ZMYND15: variants seen among roughly 807,000 people sequenced by gnomAD.
ZMYND15 encodes the protein zinc finger MYND-type containing 15.
ZMYND15 carries 54 observed loss-of-function variants against 81.7 expected under a neutral mutation model. The ratio of observed to expected loss-of-function variants is 0.66; its 90% CI spans 0.53 to 0.83. ZMYND15 has a LOEUF of 0.83. Among genes scored for constraint, ZMYND15 ranks in the 40% least tolerant of loss-of-function variants. The pLI is 0.00. For synonymous variants in ZMYND15, 399 were observed against 387.0 expected, an observed-to-expected ratio of 1.03 and a Z score of -0.36; for missense variants, 925 against 973.5, an observed-to-expected ratio of 0.95 and a Z score of 0.66.
chr17:4,740,713 C>T lies in ZMYND15; in HGVS notation c.165C>T (p.Ala55=). The change falls in exon 2 of 14, where the codon GCC becomes GCT. Residue 55 remains alanine (A), a synonymous_variant. Transcript: ENST00000433935. ...TCAGAAGGCTACCCCAGGACCCTGC[C>T]CTTTGGGTGCTCCATGTCCTGCCCA... The part of the protein sequence containing the change: ...AQIRRLPQDP[A]LWVLHVLPNH... 1 of 1,613,060 alleles carries T rather than the reference C, an allele frequency of 6.2e-7. No homozygotes were observed. Among genetic ancestry groups the T allele is most frequent in the Non-Finnish European group, 8.5e-7 (1 of 1,179,406 alleles).
rs779950879 is a variant in ZMYND15 at position 4,744,608 on chromosome 17, C to T, written c.1684-17C>T. The T allele has an allele frequency of 1.2e-6, 2 of 1,606,526 alleles. No individual in the cohort carries two copies. Among genetic ancestry groups the T allele is most frequent in the Non-Finnish European group, 1.7e-6 (2 of 1,176,758 alleles). ...GACTTCCAGTGGCTTTTCCACCCCACTCCTGGGGCCCCTCAGGACAGCCTG... is the reference window on the plus strand; with the variant it reads ...GACTTCCAGTGGCTTTTCCACCCCATTCCTGGGGCCCCTCAGGACAGCCTG... On this transcript the variant is annotated splice_polypyrimidine_tract_variant and intron_variant, in intron 10 of 13. Coordinates refer to ENST00000433935, the MANE Select transcript of ZMYND15 (RefSeq NM_001136046.3). The surrounding 1 kb of genome is among the most constrained non-coding windows in gnomAD (Gnocchi z 4.1).
Position 4,745,114 on chromosome 17 carries a change from C to G in ZMYND15, c.1897-101C>G, listed in dbSNP as rs988717756. 8.1e-5 allele frequency: 129 copies of G among 1,592,962 alleles called. No individual in the cohort carries two copies. In the Middle Eastern group the frequency reaches 1.4e-3, roughly 17 times the overall value. ...CGTCCTCCCCCTGCTCCCCTCCGCC[C>G]GGTCTGTCCGGGGACCTCGGCTTTC... On this transcript the variant is annotated intron_variant, in intron 12 of 13. Coordinates refer to ENST00000433935, the MANE Select transcript of ZMYND15 (RefSeq NM_001136046.3). This position sits in a 1 kb window ranked among gnomAD's most constrained non-coding sequence, Gnocchi z 5.2.
rs1209960507 is a variant in ZMYND15, at chr17:4,741,114, C to T, written c.566C>T (p.Pro189Leu). The T allele has an allele frequency of 8.0e-6, 12 of 1,505,326 alleles. No individual in the cohort carries two copies. Among genetic ancestry groups the T allele is most frequent in the Non-Finnish European group, 1.1e-5 (12 of 1,121,322 alleles). 93.2% of individuals were successfully genotyped at this position (1,505,326 alleles called of 1,614,324 possible). Residue 189 changes from proline (P) to leucine (L), a missense_variant, in exon 2 of 14, where the codon CCC (proline) becomes CTC (leucine). Transcript: ENST00000433935. ...GACAGGGTGGAGAACGAAACAAGAC[C>T]CCAGAAGAGGAAGGGACAGAGGAGT... ...REDRVENETR[P>L]QKRKGQRSEA...
At position 4,745,972 on chromosome 17, in the gene ZMYND15, G is replaced by T; in HGVS notation, c.2211G>T (p.Gly737=). The part of the protein sequence containing the change: ...RRRGEKKPGR[G]ARRRK ...GAGGAGAAAAGAAACCTGGGCGGGG[G>T]GCCCGCCGGCGGAAATGAATGCTGA... Residue 737 remains glycine (G), a synonymous_variant, in exon 14 of 14, where the codon GGG becomes GGT. Coordinates refer to ENST00000433935, the MANE Select transcript of ZMYND15 (RefSeq NM_001136046.3). The surrounding 1 kb of genome is among the most constrained non-coding windows in gnomAD (Gnocchi z 5.2). 5 of 1,444,706 alleles carry T rather than the reference G, an allele frequency of 3.5e-6. No individual in the cohort carries two copies. Among genetic ancestry groups the T allele is most frequent in the Non-Finnish European group, 4.5e-6 (5 of 1,103,440 alleles). The allele number at this position is 1,444,706 out of a possible 1,614,324, so 89.5% of individuals were successfully genotyped here.
chr17:4,745,279 C>A lies in ZMYND15; in HGVS notation c.1961C>A (p.Thr654Asn), dbSNP rs1916612696. 6.2e-7 allele frequency: 1 copy of A among 1,614,002 alleles called. No individual in the cohort carries two copies. Among genetic ancestry groups the A allele is most frequent in the Non-Finnish European group, 8.5e-7 (1 of 1,179,964 alleles). The stretch of plus-strand genomic sequence containing the variant: ...TACAGCTGTGTGATGGACGGCCAGA[C>A]CATGGCGGTGGCCACTGGAGGGGGC... ...SEYSCVMDGQ[T>N]MAVATGGGTS... Residue 654 changes from threonine (T) to asparagine (N), a missense_variant, in exon 13 of 14, where the codon ACC (threonine) becomes AAC (asparagine). By Grantham distance (65) the Thr-to-Asn change is moderately conservative. Transcript: ENST00000433935. This position sits in a 1 kb window ranked among gnomAD's most constrained non-coding sequence, Gnocchi z 5.2.
Position 4,744,344 on chromosome 17 carries a change from ATCTT to A in ZMYND15, c.1585-13_1585-10del, listed in dbSNP as rs752064794. 2.3e-5 allele frequency: 37 copies of A among 1,613,460 alleles called. No individual in the cohort carries two copies. Among genetic ancestry groups the A allele is most frequent in the African/African-American group, 2.0e-4 (15 of 74,952 alleles). ...GGGGTGGGCACAGGGTAGACCCCAGATCTTTCTTTCTTTCTGTCCTTCAGGAGCT... is the reference window on the plus strand; with the variant it reads ...GGGGTGGGCACAGGGTAGACCCCAGATCTTTCTTTCTGTCCTTCAGGAGCT... On this transcript the variant is annotated intron_variant, in intron 9 of 13. Transcript: ENST00000433935. The surrounding 1 kb of genome is among the most constrained non-coding windows in gnomAD (Gnocchi z 4.1).
rs1567699683 is a variant in ZMYND15 at position 4,744,444 on chromosome 17, GAGC to G, written c.1665_1667del (p.Gln555del). ...TGATGGCCTGCCCCCCGAAAGCGACGAGCAGCATTTTACCCTGCAGAGGGTGAG... is the reference window on the plus strand; with the variant it reads ...TGATGGCCTGCCCCCCGAAAGCGACGAGCATTTTACCCTGCAGAGGGTGAG... On this transcript the variant is annotated inframe_deletion, in exon 10 of 14. Transcript: ENST00000433935. The surrounding 1 kb of genome is among the most constrained non-coding windows in gnomAD (Gnocchi z 4.1). 6.2e-7 allele frequency: 1 copy of G among 1,614,024 alleles called. No individual in the cohort carries two copies. Among genetic ancestry groups the G allele is most frequent in the Admixed American group, 1.7e-5 (1 of 60,022 alleles).
rs59912742 is a variant in ZMYND15 at position 4,743,238 on chromosome 17, CA to C, written c.1145-52del. On this transcript the variant is annotated intron_variant, in intron 5 of 13. Coordinates refer to ENST00000433935, the MANE Select transcript of ZMYND15 (RefSeq NM_001136046.3). This position sits in a 1 kb window ranked among gnomAD's most constrained non-coding sequence, Gnocchi z 4.3. Reference sequence around the variant, plus strand: ...TGGGTGATAGAGCAAGACTCTGTCTCAAAAAAAAAAAAATGTCTGGGGTTCT... The same window carrying C: ...TGGGTGATAGAGCAAGACTCTGTCTCAAAAAAAAAAAATGTCTGGGGTTCT... 43,148 of 1,318,940 alleles carry C rather than the reference CA, an allele frequency of 0.033. No individual in the cohort carries two copies. Among genetic ancestry groups the C allele is most frequent in the Admixed American group, 0.055 (1,963 of 35,668 alleles). 81.7% of individuals were successfully genotyped at this position (1,318,940 alleles called of 1,614,324 possible).
intron 1 of ZMYND15, chr17:4,740,306 C>T: frequency 1.1e-6 from 1 of 878,140 alleles, no homozygotes; most frequent in Non-Finnish European, 1.5e-6. Context: ...GTAGTCTTCT[C>T]CAACCCTGGT....
At position 4,740,943 on chromosome 17, in the gene ZMYND15, G is replaced by T. The variant is rs763704143; in HGVS notation, c.395G>T (p.Gly132Val). The change falls in exon 2 of 14, where the codon GGT becomes GTT. Residue 132 changes from glycine (G) to valine (V), a missense_variant. Coordinates refer to ENST00000433935, the MANE Select transcript of ZMYND15 (RefSeq NM_001136046.3). ...DEEEEKREDG[G>V]AGSTEKVEPE... ...GAAGAAGAGAAGAGAGAGGACGGGG[G>T]TGCAGGCAGCACAGAGAAGGTGGAA... 8.9e-6 allele frequency: 14 copies of T among 1,579,082 alleles called. No homozygotes were observed. The Admixed American group carries it at 1.5e-4, about 17-fold the overall frequency.
chr17:4,745,734 C>CCCCCCT lies in ZMYND15; in HGVS notation c.2058-85_2058-84insCCCCCT. ...AGCCCCGCCCCCTGGTCCCTGACCGCGCCCCTGGGAGCCCCGACCCCTGGG... is the reference window on the plus strand; with the variant it reads ...AGCCCCGCCCCCTGGTCCCTGACCGCCCCCCTGCCCCTGGGAGCCCCGACCCCTGGG... On this transcript the variant is annotated intron_variant, in intron 13 of 13. Transcript: ENST00000433935. This position sits in a 1 kb window ranked among gnomAD's most constrained non-coding sequence, Gnocchi z 5.2. 1 of 677,414 alleles carries CCCCCCT rather than the reference C, an allele frequency of 1.5e-6. No homozygotes were observed. Among genetic ancestry groups the CCCCCCT allele is most frequent in the South Asian group, 2.6e-5 (1 of 39,092 alleles). 42.0% of individuals were successfully genotyped at this position (677,414 alleles called of 1,614,324 possible).
chr17:4,745,280 C>T lies in ZMYND15; in HGVS notation c.1962C>T (p.Thr654=), dbSNP rs753226145. 3.1e-6 allele frequency: 5 copies of T among 1,613,894 alleles called. No homozygotes were observed. The highest frequency in any genetic ancestry group is 1.3e-5 in the African/African-American group (1 of 74,896). The change falls in exon 13 of 14, where the codon ACC becomes ACT. Residue 654 remains threonine (T), a synonymous_variant. Transcript: ENST00000433935. The surrounding 1 kb of genome is among the most constrained non-coding windows in gnomAD (Gnocchi z 5.2). ...SEYSCVMDGQ[T]MAVATGGGTS... Reference sequence around the variant, plus strand: ...ACAGCTGTGTGATGGACGGCCAGACCATGGCGGTGGCCACTGGAGGGGGCA... The same window carrying T: ...ACAGCTGTGTGATGGACGGCCAGACTATGGCGGTGGCCACTGGAGGGGGCA...
rs1272733008 is a variant in ZMYND15 at position 4,744,105 on chromosome 17, C to T, written c.1493C>T (p.Ser498Phe). The change falls in exon 8 of 14, where the codon TCC becomes TTC. Residue 498 changes from serine to phenylalanine, a missense_variant and splice_region_variant. Coordinates refer to ENST00000433935, the MANE Select transcript of ZMYND15 (RefSeq NM_001136046.3). This position sits in a 1 kb window ranked among gnomAD's most constrained non-coding sequence, Gnocchi z 4.1. The stretch of plus-strand genomic sequence containing the variant: ...GTCATCACCCACCTGGTGCCCCAGT[C>T]CTGTAAGGAGAGCGGAGTGGGGGGT... ...YYVITHLVPQ[S>F]FPELNIQNKQ... The T allele has an allele frequency of 6.3e-7, 1 of 1,599,654 alleles. No individual in the cohort carries two copies. Among genetic ancestry groups the T allele is most frequent in the East Asian group, 2.3e-5 (1 of 43,982 alleles).
In ZMYND15 at chr17:4,740,884, G is replaced by A; in HGVS notation, c.336G>A (p.Gly112=). 1 of 1,578,298 alleles carries A rather than the reference G, an allele frequency of 6.3e-7. No homozygotes were observed. ...TCAGCTTTGTCAGCCTAGAGGATGG[G>A]GAGGAAGGGGAGGAGGAAGAGGAGG... The part of the protein sequence containing the change: ...PYISFVSLED[G]EEGEEEEEED... The change falls in exon 2 of 14, where the codon GGG becomes GGA. Residue 112 remains glycine (G), a synonymous_variant. Transcript: ENST00000433935.
Position 4,739,869 on chromosome 17 carries a change from A to T in ZMYND15, c.-212A>T. On this transcript the variant is annotated 5_prime_UTR_variant, in exon 1 of 14. Transcript: ENST00000433935. This position sits in a 1 kb window ranked among gnomAD's most constrained non-coding sequence, Gnocchi z 5.3. Reference sequence around the variant, plus strand: ...ATGAGCCTCCCGGGCGGCCCGGTGGAGAGAGTCGCCGCCAGCCCCGGCCGC... The same window carrying T: ...ATGAGCCTCCCGGGCGGCCCGGTGGTGAGAGTCGCCGCCAGCCCCGGCCGC... The T allele has an allele frequency of 1.0e-6, 1 of 986,006 alleles. No individual in the cohort carries two copies. Among genetic ancestry groups the T allele is most frequent in the Non-Finnish European group, 1.2e-6 (1 of 830,460 alleles). 61.1% of individuals were successfully genotyped at this position (986,006 alleles called of 1,614,324 possible).
rs138373624 is a variant in ZMYND15 at position 4,740,764 on chromosome 17, G to A, written c.216G>A (p.Gly72=). The A allele has an allele frequency of 5.9e-5, 94 of 1,600,322 alleles. No individual in the cohort carries two copies. In the East Asian group the frequency reaches 2.0e-3, roughly 35 times the overall value. Residue 72 remains glycine (G), a synonymous_variant, in exon 2 of 14, where the codon GGG becomes GGA. Coordinates refer to ENST00000433935, the MANE Select transcript of ZMYND15 (RefSeq NM_001136046.3). The part of the protein sequence containing the change: ...LPNHSVGISL[G]QGAEPGPGPG... ...ACCATAGTGTGGGCATCAGCCTGGG[G>A]CAAGGGGCAGAACCAGGTCCTGGAC... is the stretch of plus-strand genomic sequence containing the variant.
In ZMYND15 at chr17:4,744,670, C is replaced by A; in HGVS notation, c.1729C>A (p.Arg577=). Residue 577 remains arginine (R), a synonymous_variant, in exon 11 of 14, where the codon CGG becomes AGG. Coordinates refer to ENST00000433935, the MANE Select transcript of ZMYND15 (RefSeq NM_001136046.3). This position sits in a 1 kb window ranked among gnomAD's most constrained non-coding sequence, Gnocchi z 4.1. ...SVRPGSGISA[R]PSSGTKEKGG... is the part of the protein sequence containing the mutation. ...CCGGCCTGGTTCCGGCATATCAGCA[C>A]GGCCCAGCTCTGGCACTAAGGAGAA... 1.2e-6 allele frequency: 2 copies of A among 1,613,660 alleles called. No homozygotes were observed. Among genetic ancestry groups the A allele is most frequent in the Non-Finnish European group, 1.7e-6 (2 of 1,180,000 alleles).
intron 5 of ZMYND15, among the ~76,000 whole-genome samples, chr17:4,742,905 G>A (rs550047239): frequency 3.4e-4 from 52 of 152,208 alleles, no homozygotes; most frequent in African/African-American, 1.2e-3. Context: ...GGTAGTTCCC[G>A]GCCTGACTGG....
rs1309692215 is a variant in ZMYND15 at position 4,744,359 on chromosome 17, T to C, written c.1585-10T>C. 14 of 1,613,986 alleles carry C rather than the reference T, an allele frequency of 8.7e-6. No homozygotes were observed. In the South Asian group the frequency reaches 1.5e-4, roughly 18 times the overall value. On this transcript the variant is annotated splice_polypyrimidine_tract_variant and intron_variant, in intron 9 of 13. Transcript: ENST00000433935. This position sits in a 1 kb window ranked among gnomAD's most constrained non-coding sequence, Gnocchi z 4.1. ...TAGACCCCAGATCTTTCTTTCTTTCTGTCCTTCAGGAGCTTTTGGTCCTGC... is the reference window on the plus strand; with the variant it reads ...TAGACCCCAGATCTTTCTTTCTTTCCGTCCTTCAGGAGCTTTTGGTCCTGC...
Sources: gnomAD v4.1 joint callset for allele counts (sites outside exome capture counted in the v4.1 genomes callset) on GRCh38, gnomAD v4.1.1 for gene constraint, Gnocchi (gnomAD v3.1) non-coding constraint, MANE v1.5 for transcripts, NCBI Gene and HGNC (gene_info 2026-07-23, HGNC 2026-07-21) for gene names.